The following SETBP1 variants were observed in gnomAD, a reference collection of about 807,000 sequenced individuals.
SETBP1 encodes the protein SET binding protein 1.
In SETBP1, 9 loss-of-function variants were observed where a neutral mutation model predicts 101.0. That is an observed-to-expected ratio of 0.09 (90% CI 0.05 to 0.16). SETBP1 has a LOEUF of 0.16. SETBP1 is among the 10% of genes least tolerant of loss of function. The pLI, the probability that SETBP1 is intolerant of heterozygous loss-of-function variation, is 1.00. For missense variants in SETBP1, 1,858 were observed against 2,033.8 expected (o/e 0.91, Z 1.66); for synonymous variants, 818 against 788.5 (o/e 1.04, Z -0.63).
intron 5 of SETBP1, among the ~76,000 whole-genome samples, chr18:45,054,191 ATT>A (rs754973461): frequency 1.4e-5 from 2 of 145,276 alleles, no homozygotes; most frequent in Non-Finnish European, 1.5e-5. Flanking sequence ...GAAGCCACTA[ATT>A]TTTTTTTTTT....
chr18:44,961,055 G>C (rs891945742), intron 4 of SETBP1, among the ~76,000 whole-genome samples: 116 of 152,300 alleles, frequency 7.6e-4, no homozygotes, highest in African/African-American at 2.7e-3. Context: ...GAATGATGAG[G>C]GGCTTAGGCA....
intron 3 of SETBP1, among the ~76,000 whole-genome samples, chr18:44,874,443 G>A (rs965746639): frequency 1.3e-5 from 2 of 152,166 alleles, no homozygotes; most frequent in African/African-American, 2.4e-5. Context: ...GGTAGAAGGC[G>A]TGATGAAACC....
At chr18:45,012,144 C>T (rs989986027) in intron 4 of SETBP1, among the ~76,000 whole-genome samples, 5 of 152,108 alleles carry the variant, frequency 3.3e-5, no homozygotes, top group African/African-American at 4.8e-5. Context: ...AAGAGATGCA[C>T]TATGGAATGA....
chr18:44,713,276 A>G (rs917003957), intron 2 of SETBP1, among the ~76,000 whole-genome samples: 65 of 152,010 alleles, frequency 4.3e-4, no homozygotes, highest in African/African-American at 1.5e-3. Flanking sequence ...CCTTAATGGA[A>G]CAAAACACCC....
Position 45,063,500 on chromosome 18 carries a change from G to A in SETBP1, c.4593G>A (p.Pro1531=). Residue 1531 remains proline, a synonymous_variant, in exon 6 of 6, where the codon CCG becomes CCA. Coordinates refer to ENST00000649279, the MANE Select transcript of SETBP1 (RefSeq NM_015559.3). ...PLPPPPPPPL[P]PPPPPPLPPP... ...CCCCGCCACCGCCGCCGCCCCTGCCGCCACCGCCGCCACCACCCCTGCCCC... is the reference window on the plus strand; with the variant it reads ...CCCCGCCACCGCCGCCGCCCCTGCCACCACCGCCGCCACCACCCCTGCCCC... The A allele has an allele frequency of 1.8e-6, 2 of 1,093,650 alleles. No individual in the cohort carries two copies. The highest frequency in any genetic ancestry group is 2.4e-5 in the African/African-American group (1 of 41,748). The allele number at this position is 1,093,650 out of a possible 1,614,324, so 67.7% of individuals were successfully genotyped here.
intron 4 of SETBP1, among the ~76,000 whole-genome samples, chr18:44,963,344 GGGGT>G (rs2071652091): frequency 3.3e-5 from 5 of 152,134 alleles, no homozygotes; most frequent in African/African-American, 4.8e-5. Context: ...CTTTGGAACT[GGGGT>G]TAGCCAAGCC....
At chr18:44,797,780 T>C (rs2071513855) in intron 2 of SETBP1, among the ~76,000 whole-genome samples, 1 of 152,150 alleles carries the variant, frequency 6.6e-6, no homozygotes, top group African/African-American at 2.4e-5. Context: ...AGAGATTTTT[T>C]TTTTCTTTTC....
intron 4 of SETBP1, among the ~76,000 whole-genome samples, chr18:45,025,652 G>T (rs1171663919): frequency 6.6e-6 from 1 of 152,140 alleles, no homozygotes; most frequent in Non-Finnish European, 1.5e-5. Context: ...TTGAAGAAAG[G>T]ACACCCAATA....
chr18:44,738,698 C>T (rs1389939048), intron 2 of SETBP1, among the ~76,000 whole-genome samples: 1 of 149,258 alleles, frequency 6.7e-6, no homozygotes, highest in Non-Finnish European at 1.5e-5. Context: ...CACTTGAACC[C>T]AGGAGGCGGA....
chr18:44,862,475 G>T (rs2069035411), intron 2 of SETBP1, among the ~76,000 whole-genome samples: 1 of 152,060 alleles, frequency 6.6e-6, no homozygotes, highest in Non-Finnish European at 1.5e-5. Context: ...TCTTAGGCTG[G>T]TGGGAAACCA....
intron 4 of SETBP1, among the ~76,000 whole-genome samples, chr18:45,009,498 G>A (rs112875573): frequency 3.3e-5 from 5 of 151,844 alleles, no homozygotes; most frequent in African/African-American, 1.2e-4. Flanking sequence ...TTTTTTGTTC[G>A]AGGGATTTTT....
chr18:45,001,632 T>C (rs566139721), intron 4 of SETBP1, among the ~76,000 whole-genome samples: 109 of 152,328 alleles, frequency 7.2e-4, no homozygotes, highest in Non-Finnish European at 1.3e-3. Flanking sequence ...ATTTCTCTTG[T>C]ACCATTTGTG....
At chr18:45,042,101 T>C (rs1386510582) in intron 5 of SETBP1, among the ~76,000 whole-genome samples, 1 of 150,830 alleles carries the variant, frequency 6.6e-6, no homozygotes, top group Non-Finnish European at 1.5e-5. Context: ...CAGCATTAAA[T>C]ATGGTGAGAG....
At chr18:44,924,576 C>T (rs1046268482) in intron 3 of SETBP1, among the ~76,000 whole-genome samples, 1 of 152,028 alleles carries the variant, frequency 6.6e-6, no homozygotes, top group Non-Finnish European at 1.5e-5. Context: ...GCACTAGAAA[C>T]CAGGTTTGTT....
chr18:44,964,358 G>T (rs576406480), intron 4 of SETBP1, among the ~76,000 whole-genome samples: 1 of 152,194 alleles, frequency 6.6e-6, no homozygotes, highest in East Asian at 1.9e-4. Flanking sequence ...TGGGCAACAG[G>T]AGTTTGAAAC....
At chr18:44,730,399 T>C (rs1350876) in intron 2 of SETBP1, among the ~76,000 whole-genome samples, 115,928 of 152,124 alleles carry the variant, frequency 0.76, 44,479 homozygotes, top group Middle Eastern at 0.8. Context: ...AGGATGGAAC[T>C]ACGGAGGATT....
At chr18:44,946,174 A>T (rs1223326893) in intron 3 of SETBP1, among the ~76,000 whole-genome samples, 1 of 152,112 alleles carries the variant, frequency 6.6e-6, no homozygotes, top group Non-Finnish European at 1.5e-5. Context: ...TTAAAGCACC[A>T]TTCCCCCCAT....
intron 2 of SETBP1, among the ~76,000 whole-genome samples, chr18:44,867,637 T>C (rs1035366750): frequency 1.3e-5 from 2 of 152,144 alleles, no homozygotes; most frequent in Non-Finnish European, 2.9e-5. Context: ...GGCTGTTTAA[T>C]TATCATCAGA....
At chr18:44,898,791 C>A (rs1449132805) in intron 3 of SETBP1, among the ~76,000 whole-genome samples, 2 of 152,192 alleles carry the variant, frequency 1.3e-5, no homozygotes, top group East Asian at 3.9e-4. Flanking sequence ...GCACCCACAT[C>A]ACTCCAATGT....
Sources: allele counts gnomAD v4.1 joint callset (sites outside exome capture counted in the v4.1 genomes callset), GRCh38; gene constraint gnomAD v4.1.1; transcripts MANE v1.5; gene names NCBI Gene and HGNC (gene_info 2026-07-23, HGNC 2026-07-21).